The following PHF24 variants were observed in gnomAD, a reference collection of about 807,000 sequenced individuals.
PHF24 encodes the protein PHD finger protein 24, also known as Galpha inhibitory interacting protein.
A neutral mutation model predicts 42.6 loss-of-function variants in PHF24; 25 were observed. The ratio of observed to expected loss-of-function variants is 0.59; its 90% CI spans 0.43 to 0.82. The LOEUF (loss-of-function observed/expected upper bound fraction) is 0.82, where lower values mean the gene tolerates loss of function less well. PHF24 is among the 40% of genes least tolerant of loss of function. The pLI, the probability that PHF24 is intolerant of heterozygous loss-of-function variation, is 0.00. For synonymous variants in PHF24, 185 were observed against 204.8 expected (o/e 0.90, Z 0.83); for missense variants, 470 against 538.1 (o/e 0.87, Z 1.25).
At chr9:34,877,354 G>A in the PHF24 span, among the ~76,000 whole-genome samples, 1 of 151,818 alleles carries the variant, frequency 6.6e-6, no homozygotes, top group African/African-American at 2.4e-5. Flanking sequence ...TACACTAAGT[G>A]AAATAAGCCA....
chr9:34,907,050 C>T, the PHF24 span, among the ~76,000 whole-genome samples: 2 of 152,114 alleles, frequency 1.3e-5, no homozygotes, highest in Non-Finnish European at 2.9e-5. Context: ...TGGTCCCAAA[C>T]TCCTGGCCTC....
At chr9:34,753,881 T>C in the PHF24 span, among the ~76,000 whole-genome samples, 1 of 152,150 alleles carries the variant, frequency 6.6e-6, no homozygotes, top group Non-Finnish European at 1.5e-5. Flanking sequence ...GAAAATACGT[T>C]GGAGAAAAGA....
chr9:34,728,606 T>C, the PHF24 span: 1 of 1,550,368 alleles, frequency 6.5e-7, no homozygotes, highest in Non-Finnish European at 8.7e-7. Context: ...ATTGGGACTT[T>C]ACCTGTTGAT....
At chr9:34,867,140 C>G in the PHF24 span, among the ~76,000 whole-genome samples, 1 of 152,196 alleles carries the variant, frequency 6.6e-6, no homozygotes, top group African/African-American at 2.4e-5. Flanking sequence ...TGACTTCCCA[C>G]AGAAGCAGAG....
exon 8 of PHF24, chr9:34,978,131 G>A: frequency 6.3e-7 from 1 of 1,580,482 alleles, no homozygotes; most frequent in Non-Finnish European, 8.7e-7. Flanking sequence ...GAGAAGCTCG[G>A]TTTGAGGACA....
At chr9:34,854,501 A>G in the PHF24 span, among the ~76,000 whole-genome samples, 1 of 152,142 alleles carries the variant, frequency 6.6e-6, no homozygotes, top group African/African-American at 2.4e-5. Flanking sequence ...TTTCAAAAAT[A>G]ACTTCTTGAT....
the PHF24 span, among the ~76,000 whole-genome samples, chr9:34,731,469 G>A: frequency 6.6e-6 from 1 of 151,314 alleles, no homozygotes; most frequent in Non-Finnish European, 1.5e-5. Flanking sequence ...CCCAGCCTCT[G>A]GTAACCATCA....
chr9:34,704,550 A>G, the PHF24 span, among the ~76,000 whole-genome samples: 2 of 152,054 alleles, frequency 1.3e-5, no homozygotes, highest in Admixed American at 6.5e-5. Flanking sequence ...AAAACATGGT[A>G]TGGCCAGGCA....
At chr9:34,767,102 T>A in the PHF24 span, among the ~76,000 whole-genome samples, 1 of 152,198 alleles carries the variant, frequency 6.6e-6, no homozygotes, top group African/African-American at 2.4e-5. Context: ...GAGGTGTCAG[T>A]CTGCCCCTAC....
At chr9:34,840,506 T>G in the PHF24 span, among the ~76,000 whole-genome samples, 2 of 148,270 alleles carry the variant, frequency 1.3e-5, no homozygotes, top group African/African-American at 4.9e-5. Flanking sequence ...CCTCCCTTCC[T>G]TCCTTCCTCC....
At chr9:34,733,982 G>A in the PHF24 span, among the ~76,000 whole-genome samples, 14 of 152,220 alleles carry the variant, frequency 9.2e-5, no homozygotes, top group African/African-American at 3.4e-4. Context: ...TACAAAATAG[G>A]GTTTCTCGGG....
At chr9:34,978,932 A>G (rs1012581631) in exon 8 of PHF24, 3 of 152,044 alleles carry the variant, frequency 2.0e-5, no homozygotes. Context: ...TCTTGGCCCC[A>G]TTTTTCAGAT....
At chr9:34,752,913 T>C in the PHF24 span, among the ~76,000 whole-genome samples, 15 of 152,272 alleles carry the variant, frequency 9.9e-5, no homozygotes, top group African/African-American at 3.1e-4. Context: ...ATATATCATA[T>C]CAACAGAATG....
chr9:34,971,216 T>G, intron 1 of PHF24, 79 bp from the exon 2 acceptor site: 1 of 1,487,616 alleles, frequency 6.7e-7, no homozygotes, highest in Non-Finnish European at 9.1e-7. Flanking sequence ...TAATAGCCCT[T>G]GCCACTTAGG....
At chr9:34,694,715 C>T in the PHF24 span, among the ~76,000 whole-genome samples, 10 of 152,182 alleles carry the variant, frequency 6.6e-5, no homozygotes, top group African/African-American at 1.9e-4. Context: ...GTGATCCACC[C>T]GCCTCGGCCT....
At chr9:34,721,399 T>TTCTCTCTCTCTCTCTCTC in the PHF24 span, among the ~76,000 whole-genome samples, 16 of 139,250 alleles carry the variant, frequency 1.1e-4, 2 homozygotes, top group African/African-American at 4.2e-4. Flanking sequence ...TGTCTTTCCA[T>TTCTCTCTCTCTCTCTCTC]TCTCTCTCTC....
the PHF24 span, among the ~76,000 whole-genome samples, chr9:34,916,494 A>T: frequency 6.6e-6 from 1 of 152,250 alleles, no homozygotes; most frequent in Non-Finnish European, 1.5e-5. Flanking sequence ...TGTAGTGAAG[A>T]CAATCATCTT....
the PHF24 span, among the ~76,000 whole-genome samples, chr9:34,718,138 C>G: frequency 4.6e-5 from 7 of 152,232 alleles, no homozygotes; most frequent in African/African-American, 1.7e-4. Flanking sequence ...GCCCAGGGAC[C>G]TGCCCCTGTG....
chr9:34,693,629 ATCAAATATACC>A, the PHF24 span, among the ~76,000 whole-genome samples: 1 of 152,188 alleles, frequency 6.6e-6, no homozygotes, highest in Non-Finnish European at 1.5e-5. Flanking sequence ...CAGGGATACC[ATCAAATATACC>A]TCATCACAGG....
Sources: gnomAD v4.1 joint callset for allele counts (sites outside exome capture counted in the v4.1 genomes callset) on GRCh38, gnomAD v4.1.1 for gene constraint, MANE v1.5 for transcripts, NCBI Gene and HGNC (gene_info 2026-07-23, HGNC 2026-07-21) for gene names.